Variants in FAAH2 observed in about 807,000 individuals in gnomAD.
FAAH2 encodes fatty acid amide hydrolase 2, also known as fatty-acid amide hydrolase 2.
Under a neutral mutation model 36.9 loss-of-function variants are expected in FAAH2, and 60 were observed. The ratio of observed to expected loss-of-function variants is 1.63; its 90% CI spans 1.32 to 2.02. FAAH2 has a LOEUF of 2.02. Among genes scored for constraint, FAAH2 ranks in the 30% most tolerant of loss-of-function variants. The probability of loss-of-function intolerance (pLI) is 0.00; values close to 1 mark genes in which losing one functional copy is unlikely to be tolerated. For missense variants in FAAH2, 689 were observed against 397.5 expected (o/e 1.73, Z -6.23); for synonymous variants, 214 against 143.8 (o/e 1.49, Z -3.49).
chrX:57,336,443 C>T (rs984780489), intron 4 of FAAH2, among the ~76,000 whole-genome samples: 1 of 111,421 alleles, frequency 9.0e-6, no homozygotes, highest in African/African-American at 3.3e-5. Context: ...TTCACACGGA[C>T]GCGCATGAAA....
chrX:57,227,119 A>G, the FAAH2 span, among the ~76,000 whole-genome samples: 1 of 111,022 alleles, frequency 9.0e-6, no homozygotes, highest in Admixed American at 9.6e-5. Context: ...CTCCCTGATT[A>G]GCTTAATAAC....
the FAAH2 span, among the ~76,000 whole-genome samples, chrX:57,277,064 G>A: frequency 0.45 from 50,000 of 110,251 alleles, 11,420 homozygotes; most frequent in African/African-American, 0.89. Context: ...AATCCTCCCT[G>A]TCTCATTTTA....
intron 2 of FAAH2, among the ~76,000 whole-genome samples, chrX:57,302,071 A>T (rs2052388293): frequency 8.9e-6 from 1 of 111,803 alleles, no homozygotes; most frequent in African/African-American, 3.3e-5. Context: ...ATCTATTGTC[A>T]TGCATTTCAT....
chrX:57,458,797 G>A (rs966559291), intron 10 of FAAH2, among the ~76,000 whole-genome samples: 3 of 112,159 alleles, frequency 2.7e-5, no homozygotes, highest in Admixed American at 9.4e-5. Context: ...CATTTACTAT[G>A]CTTTCCCCAC....
the FAAH2 span, among the ~76,000 whole-genome samples, chrX:57,264,943 G>A: frequency 8.9e-6 from 1 of 111,956 alleles, no homozygotes; most frequent in Non-Finnish European, 1.9e-5. Flanking sequence ...CTCGCATTGG[G>A]ACTATTCAAA....
intron 5 of FAAH2, among the ~76,000 whole-genome samples, chrX:57,376,035 A>T (rs2054666376): frequency 9.0e-6 from 1 of 111,372 alleles, no homozygotes; most frequent in Non-Finnish European, 1.9e-5. Flanking sequence ...TAAATCAGGT[A>T]ACAGCAACAA....
At chrX:57,466,150 C>CTATATATATATATA (rs1448015750) in intron 10 of FAAH2, among the ~76,000 whole-genome samples, 12 of 75,607 alleles carry the variant, frequency 1.6e-4, no homozygotes, top group Middle Eastern at 0.02. Context: ...CTCTCTCTCT[C>CTATATATATATATA]TCTCTCTATA....
intron 5 of FAAH2, among the ~76,000 whole-genome samples, chrX:57,365,570 T>C: frequency 8.9e-6 from 1 of 111,905 alleles, no homozygotes; most frequent in Middle Eastern, 4.6e-3. Flanking sequence ...CTTGCAAGGG[T>C]TCTCTGCGTT....
intron 2 of FAAH2, among the ~76,000 whole-genome samples, chrX:57,300,316 A>G (rs1255491816): frequency 8.9e-6 from 1 of 111,771 alleles, no homozygotes; most frequent in Non-Finnish European, 1.9e-5. Flanking sequence ...ATCTACAACT[A>G]TCTGATCTTT....
intron 8 of FAAH2, among the ~76,000 whole-genome samples, chrX:57,439,526 C>T (rs779318486): frequency 9.0e-6 from 1 of 111,092 alleles, no homozygotes; most frequent in Non-Finnish European, 1.9e-5. Context: ...GAGTAGGTTG[C>T]AAATTTTTCT....
At chrX:57,397,196 G>C (rs1341766439) in intron 7 of FAAH2, among the ~76,000 whole-genome samples, 2 of 111,229 alleles carry the variant, frequency 1.8e-5, no homozygotes, top group Non-Finnish European at 3.8e-5. Context: ...CAGTTAGTTG[G>C]GTCTTGCTTT....
intron 5 of FAAH2, among the ~76,000 whole-genome samples, chrX:57,371,084 T>C (rs1412914402): frequency 8.9e-6 from 1 of 112,127 alleles, no homozygotes; most frequent in Non-Finnish European, 1.9e-5. Context: ...AAAAATTTGT[T>C]GGTTTTTTAT....
the FAAH2 span, among the ~76,000 whole-genome samples, chrX:57,123,329 G>A: frequency 7.2e-5 from 8 of 111,734 alleles, no homozygotes; most frequent in African/African-American, 1.3e-4. Context: ...AAAGGACACG[G>A]ACTCATCATT....
chrX:57,151,440 C>T, the FAAH2 span, among the ~76,000 whole-genome samples: 1 of 111,858 alleles, frequency 8.9e-6, no homozygotes, highest in Non-Finnish European at 1.9e-5. Flanking sequence ...TCCCATATTT[C>T]TTGGAGGCTT....
chrX:57,291,100 T>C (rs1413551606), intron 1 of FAAH2, among the ~76,000 whole-genome samples: 3 of 111,985 alleles, frequency 2.7e-5, no homozygotes, highest in Non-Finnish European at 5.7e-5. Flanking sequence ...CTTGATGGAG[T>C]AAAAATTCTC....
chrX:57,211,666 C>T, the FAAH2 span, among the ~76,000 whole-genome samples: 2 of 112,039 alleles, frequency 1.8e-5, no homozygotes, highest in African/African-American at 3.2e-5. Flanking sequence ...TTGCATAGTG[C>T]TTGTGAATGA....
chrX:57,122,017 A>AT, the FAAH2 span: 1 of 111,510 alleles, frequency 9.0e-6, no homozygotes, highest in African/African-American at 3.3e-5. Flanking sequence ...GCTGACTGAT[A>AT]TTTCCTGGCA....
At chrX:57,348,707 GATTTAACTGCTGC>G (rs1376296092) in intron 5 of FAAH2, among the ~76,000 whole-genome samples, 34 of 111,357 alleles carry the variant, frequency 3.1e-4, no homozygotes, top group African/African-American at 1.0e-3. Context: ...ACTATACAGA[GATTTAACTGCTGC>G]ATGCGTCTTG....
the FAAH2 span, among the ~76,000 whole-genome samples, chrX:57,156,633 T>C: frequency 8.9e-6 from 1 of 112,323 alleles, no homozygotes; most frequent in South Asian, 3.7e-4. Context: ...ATGCTGCAAC[T>C]CTTGCATTCT....
Sources: gnomAD v4.1 joint callset for allele counts (sites outside exome capture counted in the v4.1 genomes callset) on GRCh38, gnomAD v4.1.1 for gene constraint, MANE v1.5 for transcripts, NCBI Gene and HGNC (gene_info 2026-07-23, HGNC 2026-07-21) for gene names.